WDR37: variants seen among roughly 807,000 people sequenced by gnomAD.
WDR37 encodes WD repeat domain 37.
WDR37 carries 19 observed loss-of-function variants against 62.9 expected under a neutral mutation model. That is an observed-to-expected ratio of 0.30 (90% CI 0.21 to 0.44). The LOEUF (loss-of-function observed/expected upper bound fraction) is 0.44, where lower values mean the gene tolerates loss of function less well. Ranked by LOEUF, WDR37 falls within the 20% of genes least tolerant of loss-of-function variation. WDR37 has a pLI of 1.00. For synonymous variants in WDR37, 250 were observed against 260.9 expected, an observed-to-expected ratio of 0.96 and a Z score of 0.40; for missense variants, 474 against 657.6, an observed-to-expected ratio of 0.72 and a Z score of 3.05.
At chr10:1,115,070 A>G (rs1038458933) in intron 11 of WDR37, among the ~76,000 whole-genome samples, 18 of 151,858 alleles carry the variant, frequency 1.2e-4, no homozygotes, top group Middle Eastern at 3.4e-3. Flanking sequence ...TTGCTATAAA[A>G]AGGAGCTGAC....
rs1447502863 is a variant in WDR37, at chr10:1,130,680, T to C, written c.*1336T>C. 1 of 152,260 alleles carries C rather than the reference T, an allele frequency of 6.6e-6. No homozygotes were observed. The highest frequency in any genetic ancestry group is 2.4e-5 in the African/African-American group (1 of 41,450). 9.4% of individuals were successfully genotyped at this position (152,260 alleles called of 1,614,324 possible). A position where few individuals can be genotyped will look rare whatever the true frequency, so the allele number is the denominator to read the frequency against. On this transcript the variant is annotated 3_prime_UTR_variant, in exon 14 of 14. Coordinates refer to ENST00000263150, the MANE Select transcript of WDR37 (RefSeq NM_014023.4). Reference sequence around the variant, plus strand: ...CTTGGAGAGACACAGGAAGGTAATATTTACAGCTGTCATGTGACATCCCCA... The same window carrying C: ...CTTGGAGAGACACAGGAAGGTAATACTTACAGCTGTCATGTGACATCCCCA...
At chr10:1,079,448 T>C (rs1190741531) in intron 3 of WDR37, among the ~76,000 whole-genome samples, 1 of 150,680 alleles carries the variant, frequency 6.6e-6, no homozygotes, top group African/African-American at 2.5e-5. Context: ...ATGCGGGTGC[T>C]GTCTTTGAGA....
Position 1,103,907 on chromosome 10 carries a change from C to A in WDR37, c.961+71C>A. The stretch of plus-strand genomic sequence containing the variant: ...GTTTATGTCCATGGGTTATGTCTGA[C>A]CTTGCCACTTACTTCTTGACCAGAA... On this transcript the variant is annotated intron_variant, in intron 10 of 13. Transcript: ENST00000263150. The surrounding 1 kb of genome is among the most constrained non-coding windows in gnomAD (Gnocchi z 6.3). 1 of 1,469,500 alleles carries A rather than the reference C, an allele frequency of 6.8e-7. No homozygotes were observed. Among genetic ancestry groups the A allele is most frequent in the Non-Finnish European group, 9.3e-7 (1 of 1,071,502 alleles). The allele number at this position is 1,469,500 out of a possible 1,614,324, so 91.0% of individuals were successfully genotyped here.
rs541722834 is a variant in WDR37 at position 1,085,668 on chromosome 10, C to T, written c.533-618C>T. Among the ~76,000 whole-genome samples, 27 of 152,206 alleles carry T rather than the reference C, an allele frequency of 1.8e-4. No individual in the cohort carries two copies. In the South Asian group the frequency reaches 5.2e-3, roughly 29 times the overall value. The stretch of plus-strand genomic sequence containing the variant: ...TGAATGTGATAAACCATTTGAATAG[C>T]GAAGAAAGTTCTTGCTTCTCCTTTG... On this transcript the variant is annotated intron_variant, in intron 6 of 13. Coordinates refer to ENST00000263150, the MANE Select transcript of WDR37 (RefSeq NM_014023.4).
At chr10:1,110,811 A>T (rs1835192088) in intron 11 of WDR37, among the ~76,000 whole-genome samples, 1 of 152,224 alleles carries the variant, frequency 6.6e-6, no homozygotes, top group South Asian at 2.1e-4. Context: ...TGAGCCTCCG[A>T]TGGGTGTCCA....
intron 11 of WDR37, among the ~76,000 whole-genome samples, chr10:1,106,608 C>T (rs1342810342): frequency 6.6e-6 from 1 of 151,994 alleles, no homozygotes; most frequent in Non-Finnish European, 1.5e-5. Context: ...CCTCTGCCTC[C>T]CGGGTTCAAG....
At chr10:1,066,964 G>A (rs1209776638) in intron 1 of WDR37, among the ~76,000 whole-genome samples, 4 of 152,274 alleles carry the variant, frequency 2.6e-5, no homozygotes, top group East Asian at 3.9e-4. Flanking sequence ...AGAACAGCAC[G>A]GGAAAGACCT....
At chr10:1,061,700 A>G (rs914596053) in intron 1 of WDR37, among the ~76,000 whole-genome samples, 3 of 152,092 alleles carry the variant, frequency 2.0e-5, no homozygotes, top group Admixed American at 1.3e-4. Flanking sequence ...TTAGCTGGGC[A>G]TGGTGTTGGG....
At chr10:1,124,049 T>C (rs1835666227) in intron 11 of WDR37, 169 bp from the exon 12 acceptor site, 10 of 747,816 alleles carry the variant, frequency 1.3e-5, no homozygotes, top group Non-Finnish European at 2.1e-5. Context: ...TGTCCTTTTC[T>C]TGCACTGGTG....
At chr10:1,095,697 G>A (rs943858710) in intron 8 of WDR37, among the ~76,000 whole-genome samples, 3 of 152,202 alleles carry the variant, frequency 2.0e-5, no homozygotes, top group African/African-American at 7.2e-5. Context: ...ACTGGCTGCT[G>A]AAAACAGAGT....
At chr10:1,083,874 G>A (rs7080500) in intron 5 of WDR37, among the ~76,000 whole-genome samples, 26,887 of 152,232 alleles carry the variant, frequency 0.18, 2,577 homozygotes, top group East Asian at 0.26. Context: ...TATTAGTGTC[G>A]TCTTTTGATT....
intron 6 of WDR37, 115 bp from the exon 7 acceptor site, chr10:1,086,171 G>A (rs777930629): frequency 4.0e-6 from 3 of 758,302 alleles, no homozygotes; most frequent in African/African-American, 1.7e-5. Context: ...AAAGGTGGAA[G>A]AGATATCAGT....
intron 5 of WDR37, among the ~76,000 whole-genome samples, chr10:1,082,901 G>A (rs1379414375): frequency 6.6e-6 from 1 of 152,140 alleles, no homozygotes; most frequent in African/African-American, 2.4e-5. Context: ...TTATAATACT[G>A]TTATTAATGT....
At chr10:1,115,627 C>G (rs1835365751) in intron 11 of WDR37, among the ~76,000 whole-genome samples, 1 of 152,228 alleles carries the variant, frequency 6.6e-6, no homozygotes. Flanking sequence ...AGTCAGCATG[C>G]AGGTGTCAGC....
chr10:1,108,741 C>CCA (rs1293063960), intron 11 of WDR37, among the ~76,000 whole-genome samples: 1 of 20,122 alleles, frequency 5.0e-5, no homozygotes, highest in African/African-American at 1.0e-4. Context: ...TCTGTGATGC[C>CCA]CCCCCCCCCC....
intron 13 of WDR37, 147 bp from the exon 14 acceptor site, chr10:1,129,066 C>T (rs758389013): frequency 7.1e-6 from 8 of 1,129,232 alleles, no homozygotes; most frequent in Admixed American, 5.3e-5. Flanking sequence ...GGTCCGTGCT[C>T]GGTGGTCCAT....
chr10:1,093,997 C>T (rs1186007167), intron 8 of WDR37, among the ~76,000 whole-genome samples: 2 of 152,150 alleles, frequency 1.3e-5, no homozygotes, highest in African/African-American at 2.4e-5. Flanking sequence ...CTTCCTTGGT[C>T]GCTTTTTCGA....
At chr10:1,064,525 C>T (rs1833476725) in intron 1 of WDR37, among the ~76,000 whole-genome samples, 1 of 146,876 alleles carries the variant, frequency 6.8e-6, no homozygotes, top group African/African-American at 2.5e-5. Context: ...AAGACAGAAG[C>T]ATAGTAAGAG....
In WDR37 at chr10:1,129,321, C is replaced by T. The variant is rs1488270238; in HGVS notation, c.1462C>T (p.Pro488Ser). The T allele has an allele frequency of 6.2e-7, 1 of 1,614,056 alleles. No individual in the cohort carries two copies. The highest frequency in any genetic ancestry group is 8.5e-7 in the Non-Finnish European group (1 of 1,180,028). ...AGCCATTGGTTGGAACATCAACATC[C>T]CTGCATTGCTACAAGAAAAATAAGG... ...RQAIGWNINIPALLQEK is the reference protein window; with the variant it reads ...RQAIGWNINISALLQEK Residue 488 changes from proline (P) to serine (S), a missense_variant, in exon 14 of 14, where the codon CCT (proline) becomes TCT (serine). Coordinates refer to ENST00000263150, the MANE Select transcript of WDR37 (RefSeq NM_014023.4).
Sources: allele counts gnomAD v4.1 joint callset (sites outside exome capture counted in the v4.1 genomes callset), GRCh38; gene constraint gnomAD v4.1.1; non-coding constraint Gnocchi (gnomAD v3.1); transcripts MANE v1.5; gene names NCBI Gene and HGNC (gene_info 2026-07-23, HGNC 2026-07-21).